RBPMS: variants seen among roughly 807,000 people sequenced by gnomAD.
RBPMS encodes RNA-binding protein with multiple splicing.
In RBPMS, 7 loss-of-function variants were observed where a neutral mutation model predicts 26.8. The observed-to-expected ratio is 0.26, with a 90% CI of 0.15 to 0.49. The LOEUF (loss-of-function observed/expected upper bound fraction) is 0.49. RBPMS is among the 20% of genes least tolerant of loss of function. RBPMS has a pLI of 0.98. For synonymous variants in RBPMS, 96 were observed against 93.3 expected (o/e 1.03, Z -0.17); for missense variants, 186 against 250.0 (o/e 0.74, Z 1.73).
Position 30,566,357 on chromosome 8 carries a change from G to A in RBPMS, c.*108G>A. 1.2e-6 allele frequency: 1 copy of A among 863,030 alleles called. No individual in the cohort carries two copies. The highest frequency in any genetic ancestry group is 1.3e-6 in the Non-Finnish European group (1 of 761,966). 53.5% of individuals were successfully genotyped at this position (863,030 alleles called of 1,614,324 possible). On this transcript the variant is annotated 3_prime_UTR_variant, in exon 8 of 9. Coordinates refer to ENST00000397323, the MANE Select transcript of RBPMS (RefSeq NM_001008710.3). Reference sequence around the variant, plus strand: ...TAGCTGTTCTACAAAACTGGAGCATGCTGGTGAGTAACAGTCAGGGCTGAA... The same window carrying A: ...TAGCTGTTCTACAAAACTGGAGCATACTGGTGAGTAACAGTCAGGGCTGAA...
intron 1 of RBPMS, among the ~76,000 whole-genome samples, chr8:30,411,529 G>A (rs546985366): frequency 1.3e-5 from 2 of 151,990 alleles, no homozygotes; most frequent in South Asian, 2.1e-4. Context: ...GCTGGGCATC[G>A]TGGCATGTGC....
chr8:30,443,067 C>G (rs1307270592), intron 1 of RBPMS, among the ~76,000 whole-genome samples: 1 of 152,148 alleles, frequency 6.6e-6, no homozygotes, highest in Non-Finnish European at 1.5e-5. Context: ...TATTCTCGTC[C>G]ACACAGTTGG....
At chr8:30,424,526 A>T (rs1811139261) in intron 1 of RBPMS, among the ~76,000 whole-genome samples, 1 of 152,212 alleles carries the variant, frequency 6.6e-6, no homozygotes, top group South Asian at 2.1e-4. Flanking sequence ...CTAAGGGTGC[A>T]TGGTTATACT....
intron 1 of RBPMS, among the ~76,000 whole-genome samples, chr8:30,432,509 G>C (rs1032689298): frequency 1.3e-5 from 2 of 152,126 alleles, no homozygotes; most frequent in African/African-American, 4.8e-5. Context: ...GGAAGGAAAC[G>C]ATTTCATCAG....
intron 1 of RBPMS, among the ~76,000 whole-genome samples, chr8:30,413,932 G>A (rs908824025): frequency 6.6e-6 from 1 of 152,152 alleles, no homozygotes; most frequent in African/African-American, 2.4e-5. Flanking sequence ...AGTAGAGACA[G>A]GGTTTTGCCA....
chr8:30,557,342 G>A (rs925531767), intron 6 of RBPMS, among the ~76,000 whole-genome samples: 4 of 152,166 alleles, frequency 2.6e-5, no homozygotes, highest in African/African-American at 9.7e-5. Flanking sequence ...GTGCTGTGTC[G>A]GATTTCTCTA....
intron 5 of RBPMS, among the ~76,000 whole-genome samples, chr8:30,505,824 TTC>T (rs2150939941): frequency 6.6e-6 from 1 of 152,326 alleles, no homozygotes; most frequent in East Asian, 1.9e-4. Flanking sequence ...TGTATGCCTC[TTC>T]TCTCTGAAAT....
intron 1 of RBPMS, among the ~76,000 whole-genome samples, chr8:30,441,875 C>T (rs1313281786): frequency 2.6e-5 from 4 of 152,176 alleles, no homozygotes; most frequent in African/African-American, 9.7e-5. Flanking sequence ...CTGCAATCTC[C>T]GCCTCCTGGA....
intron 4 of RBPMS, among the ~76,000 whole-genome samples, chr8:30,484,343 G>A (rs577986599): frequency 2.0e-5 from 3 of 152,242 alleles, no homozygotes; most frequent in Non-Finnish European, 4.4e-5. Context: ...TTTTAGCAGG[G>A]ACAAGTAACA....
Position 30,411,996 on chromosome 8 carries a change from A to C in RBPMS, c.66+26838A>C, listed in dbSNP as rs573635607. Among the ~76,000 whole-genome samples the C allele has an allele frequency of 8.5e-3, 1,284 of 150,666 alleles. 12 individuals carry two copies. Among genetic ancestry groups the C allele is most frequent in the Middle Eastern group, 0.024 (7 of 294 alleles). On this transcript the variant is annotated intron_variant, in intron 1 of 8. Transcript: ENST00000397323. Reference sequence around the variant, plus strand: ...GTGAGACTTCGTCTCAAAAAAAAAAAAAAAACAAAAACAAAAACAGAAGAA... The same window carrying C: ...GTGAGACTTCGTCTCAAAAAAAAAACAAAAACAAAAACAAAAACAGAAGAA...
At chr8:30,549,494 C>T in intron 6 of RBPMS, 2 of 1,610,966 alleles carry the variant, frequency 1.2e-6, no homozygotes, top group South Asian at 2.2e-5. Context: ...TCCTCTCAAC[C>T]TGCAGCTCTG....
intron 7 of RBPMS, 50 bp downstream of exon 7, chr8:30,559,006 G>A (rs1190396429): frequency 2.0e-6 from 3 of 1,485,842 alleles, no homozygotes; most frequent in South Asian, 1.1e-5. Context: ...GAACACATCT[G>A]TACATGGTGG....
At chr8:30,451,047 G>A (rs1170972921) in intron 1 of RBPMS, among the ~76,000 whole-genome samples, 2 of 152,116 alleles carry the variant, frequency 1.3e-5, no homozygotes, top group African/African-American at 2.4e-5. Context: ...GGTAGAAAAT[G>A]TAATTACTTT....
At chr8:30,447,564 C>T (rs1210523531) in intron 1 of RBPMS, among the ~76,000 whole-genome samples, 3 of 152,148 alleles carry the variant, frequency 2.0e-5, no homozygotes, top group Non-Finnish European at 4.4e-5. Context: ...TCCAGCCTGT[C>T]ACCCATGTAG....
intron 1 of RBPMS, among the ~76,000 whole-genome samples, chr8:30,439,068 A>T (rs778071190): frequency 5.3e-5 from 8 of 152,192 alleles, no homozygotes; most frequent in Non-Finnish European, 7.3e-5. Flanking sequence ...GATGTGACTT[A>T]TTTTAAATGT....
chr8:30,491,525 G>T (rs1819390790), intron 4 of RBPMS, among the ~76,000 whole-genome samples: 2 of 152,136 alleles, frequency 1.3e-5, no homozygotes, highest in African/African-American at 4.8e-5. Context: ...GCAGAAACAG[G>T]ATTGTGAAAA....
rs973857445 is a variant in RBPMS at position 30,504,478 on chromosome 8, G to A, written c.397+42G>A. The stretch of plus-strand genomic sequence containing the variant: ...TTCATTCAAAAGTAATAATAACTAA[G>A]AACTGTTCATGTGCTGCATGTGAGG... On this transcript the variant is annotated intron_variant, in intron 5 of 8. Transcript: ENST00000397323. 3.8e-6 allele frequency: 6 copies of A among 1,593,850 alleles called. No individual in the cohort carries two copies. In the African/African-American group the frequency reaches 8.1e-5, roughly 21 times the overall value.
At chr8:30,507,426 A>G (rs1428248750) in intron 5 of RBPMS, among the ~76,000 whole-genome samples, 1 of 152,198 alleles carries the variant, frequency 6.6e-6, no homozygotes, top group Non-Finnish European at 1.5e-5. Context: ...TTGTTAATAA[A>G]AAGCATTGGG....
intron 1 of RBPMS, among the ~76,000 whole-genome samples, chr8:30,428,979 A>G (rs537642313): frequency 1.3e-5 from 2 of 152,302 alleles, no homozygotes; most frequent in East Asian, 3.9e-4. Context: ...ACAATCATAG[A>G]AGCATCTGCT....
Sources: allele counts gnomAD v4.1 joint callset (sites outside exome capture counted in the v4.1 genomes callset), GRCh38; gene constraint gnomAD v4.1.1; transcripts MANE v1.5; gene names NCBI Gene and HGNC (gene_info 2026-07-23, HGNC 2026-07-21).